AKAP10: variants seen among roughly 807,000 people sequenced by gnomAD.
The protein encoded by AKAP10 is A-kinase anchor protein 10, mitochondrial.
In AKAP10, 24 loss-of-function variants were observed where a neutral mutation model predicts 80.8. The ratio of observed to expected loss-of-function variants is 0.30; its 90% confidence interval spans 0.22 to 0.42. The LOEUF is 0.42. Among genes scored for constraint, AKAP10 ranks in the 10% least tolerant of loss-of-function variants. The pLI is 1.00. For synonymous variants in AKAP10, 291 were observed against 277.7 expected, an observed-to-expected ratio of 1.05 and a Z score of -0.48; for missense variants, 661 against 794.9, an observed-to-expected ratio of 0.83 and a Z score of 2.03.
chr17:19,912,618 T>C (rs2042703077), intron 12 of AKAP10, among the ~76,000 whole-genome samples: 1 of 152,058 alleles, frequency 6.6e-6, no homozygotes, highest in South Asian at 2.1e-4. Flanking sequence ...CTCGAGAGGC[T>C]GAGGCAGAAT....
chr17:19,946,264 T>TA (rs2043124420), intron 5 of AKAP10, among the ~76,000 whole-genome samples: 1 of 31,326 alleles, frequency 3.2e-5, no homozygotes, highest in Middle Eastern at 0.018. Context: ...TATATATATA[T>TA]ATATATATAT....
At chr17:19,922,042 A>G (rs1178107864) in intron 11 of AKAP10, among the ~76,000 whole-genome samples, 1 of 152,330 alleles carries the variant, frequency 6.6e-6, no homozygotes, top group Non-Finnish European at 1.5e-5. Flanking sequence ...GATTACTGTG[A>G]GTAGGAAGGG....
At chr17:19,955,478 GCT>G (rs1373409279) in intron 4 of AKAP10, among the ~76,000 whole-genome samples, 5 of 152,132 alleles carry the variant, frequency 3.3e-5, no homozygotes, top group African/African-American at 4.8e-5. Context: ...TGTAACTAAT[GCT>G]CTTTTAATAA....
intron 8 of AKAP10, among the ~76,000 whole-genome samples, chr17:19,937,535 T>C (rs1029620016): frequency 6.6e-6 from 1 of 151,996 alleles, no homozygotes; most frequent in Non-Finnish European, 1.5e-5. Context: ...AAGAAAACTC[T>C]CCTTTTAAAT....
chr17:19,931,515 C>CA (rs1597499635), intron 10 of AKAP10, among the ~76,000 whole-genome samples: 1 of 151,848 alleles, frequency 6.6e-6, no homozygotes, highest in East Asian at 1.9e-4. Flanking sequence ...CTCAGCCTCC[C>CA]AAGTAGCTAG....
At chr17:19,939,086 T>C (rs2043025388) in intron 8 of AKAP10, among the ~76,000 whole-genome samples, 1 of 152,308 alleles carries the variant, frequency 6.6e-6, no homozygotes, top group South Asian at 2.1e-4. Flanking sequence ...ATACCATACG[T>C]TACAGAGCTG....
chr17:19,950,128 C>A (rs1045219774), intron 4 of AKAP10, among the ~76,000 whole-genome samples: 1 of 152,148 alleles, frequency 6.6e-6, no homozygotes, highest in African/African-American at 2.4e-5. Context: ...TATGGTGAAA[C>A]CCTGTCTCTA....
At chr17:19,953,699 T>G (rs749759807) in intron 4 of AKAP10, among the ~76,000 whole-genome samples, 13 of 152,156 alleles carry the variant, frequency 8.5e-5, no homozygotes, top group Non-Finnish European at 1.9e-4. Flanking sequence ...ATCTATTAAA[T>G]AATCTGAATT....
At chr17:19,946,221 T>TATA (rs1567765297) in intron 5 of AKAP10, among the ~76,000 whole-genome samples, 2 of 26,992 alleles carry the variant, frequency 7.4e-5, no homozygotes, top group African/African-American at 2.5e-4. Flanking sequence ...ATATATATAT[T>TATA]TTATATATAT....
At chr17:19,946,282 T>TTTA (rs2043129534) in intron 5 of AKAP10, among the ~76,000 whole-genome samples, 1 of 45,116 alleles carries the variant, frequency 2.2e-5, no homozygotes, top group African/African-American at 7.0e-5. Context: ...TATATTTTTT[T>TTTA]TTTTTTTTTT....
Position 19,906,061 on chromosome 17 carries a change from C to G in AKAP10, c.*166G>C. The G allele has an allele frequency of 1.5e-6, 1 of 677,158 alleles. No homozygotes were observed. The highest frequency in any genetic ancestry group is 2.5e-6 in the Non-Finnish European group (1 of 403,690). 41.9% of individuals were successfully genotyped at this position (677,158 alleles called of 1,614,324 possible). A position where few individuals can be genotyped will look rare whatever the true frequency, so the allele number is the denominator to read the frequency against. ...GTGCATCAATTATGCCTACAGGTAA[C>G]TGCATTATGGTGGAAGTCTAGGATT... is the stretch of plus-strand genomic sequence containing the variant. On this transcript the variant is annotated 3_prime_UTR_variant, in exon 15 of 15. Transcript: ENST00000225737.
chr17:19,946,141 T>C (rs1392573597), intron 5 of AKAP10, among the ~76,000 whole-genome samples: 1 of 125,808 alleles, frequency 7.9e-6, no homozygotes, highest in Non-Finnish European at 1.6e-5. Context: ...ATGTATATTA[T>C]ATATTAGTAT....
chr17:19,951,279 G>A (rs1385571937), intron 4 of AKAP10, among the ~76,000 whole-genome samples: 1 of 149,400 alleles, frequency 6.7e-6, no homozygotes, highest in Admixed American at 6.7e-5. Context: ...GAGGGAGGTG[G>A]GGGGCGCCTC....
intron 11 of AKAP10, among the ~76,000 whole-genome samples, chr17:19,922,928 A>G (rs1477327197): frequency 1.3e-5 from 2 of 152,138 alleles, no homozygotes; most frequent in Non-Finnish European, 2.9e-5. Flanking sequence ...AAAAACATAT[A>G]TATTTACATT....
chr17:19,948,107 C>A lies in AKAP10; in HGVS notation c.878-602G>T, dbSNP rs567393272. 4.2e-4 allele frequency among the ~76,000 whole-genome samples: 64 copies of A among 152,192 alleles called. 1 individual carries two copies. Among genetic ancestry groups the A allele is most frequent in the Admixed American group, 1.6e-3 (24 of 15,298 alleles). Reference sequence around the variant, plus strand: ...AACAGCAAATTAATATAGAGAATATCATCCGTTGATTTGATATGAAATCCT... The same window carrying A: ...AACAGCAAATTAATATAGAGAATATAATCCGTTGATTTGATATGAAATCCT... On this transcript the variant is annotated intron_variant, in intron 4 of 14. Coordinates refer to ENST00000225737, the MANE Select transcript of AKAP10 (RefSeq NM_007202.4).
rs530638192 is a variant in AKAP10, at chr17:19,930,819, T to C, written c.1641+986A>G. Among the ~76,000 whole-genome samples, 4 of 152,250 alleles carry C rather than the reference T, an allele frequency of 2.6e-5. No individual in the cohort carries two copies. In the East Asian group the frequency reaches 7.7e-4, roughly 29 times the overall value. On this transcript the variant is annotated intron_variant, in intron 10 of 14. Transcript: ENST00000225737. ...TCCGACTCCCTGGTTGAAGCCATTC[T>C]CCTGCCTCAGCCTCCCAAGTAGCTG... is the stretch of plus-strand genomic sequence containing the variant.
chr17:19,923,885 C>T (rs1196831008), intron 11 of AKAP10, among the ~76,000 whole-genome samples: 2 of 152,076 alleles, frequency 1.3e-5, no homozygotes, highest in Non-Finnish European at 2.9e-5. Flanking sequence ...TTTCATGGTG[C>T]TGCTGGGAAC....
intron 11 of AKAP10, 21 bp downstream of exon 11, chr17:19,924,387 C>A: frequency 6.7e-7 from 1 of 1,487,454 alleles, no homozygotes; most frequent in Non-Finnish European, 9.1e-7. Flanking sequence ...TGTAAAAATT[C>A]TAGGCATGAG....
chr17:19,972,706 C>T (rs1488344000), intron 1 of AKAP10, among the ~76,000 whole-genome samples: 1 of 152,176 alleles, frequency 6.6e-6, no homozygotes, highest in Non-Finnish European at 1.5e-5. Context: ...CTGCTCACCT[C>T]GGCCTCCCAA....
Sources: gnomAD v4.1 joint callset for allele counts (sites outside exome capture counted in the v4.1 genomes callset) on GRCh38, gnomAD v4.1.1 for gene constraint, MANE v1.5 for transcripts, NCBI Gene and HGNC (gene_info 2026-07-23, HGNC 2026-07-21) for gene names.